SEMA4B: variants seen among roughly 807,000 people sequenced by gnomAD.
SEMA4B encodes semaphorin-4B.
A neutral mutation model predicts 88.1 loss-of-function variants in SEMA4B; 55 were observed. The ratio of observed to expected loss-of-function variants is 0.62; its 90% CI spans 0.50 to 0.78. The LOEUF is 0.78. Among genes scored for constraint, SEMA4B ranks in the 30% least tolerant of loss-of-function variants. SEMA4B has a pLI of 0.00. For missense variants in SEMA4B, 1,062 were observed against 1,111.9 expected, an observed-to-expected ratio of 0.96 and a Z score of 0.64; for synonymous variants, 525 against 473.6, an observed-to-expected ratio of 1.11 and a Z score of -1.41.
chr15:90,186,768 C>T (rs1960177496), intron 1 of SEMA4B, among the ~76,000 whole-genome samples: 1 of 152,044 alleles, frequency 6.6e-6, no homozygotes, highest in African/African-American at 2.4e-5. Flanking sequence ...CCCGTCTCTA[C>T]TAAAAATACA....
intron 12 of SEMA4B, 93 bp from the exon 13 acceptor site, chr15:90,227,464 G>A: frequency 9.0e-7 from 1 of 1,108,060 alleles, no homozygotes; most frequent in East Asian, 2.5e-5. Context: ...CTCAGGAAAG[G>A]CCCTTGCCCA....
In SEMA4B at chr15:90,225,299, A is replaced by G; in HGVS notation, c.1423A>G (p.Lys475Glu). 6.4e-7 allele frequency: 1 copy of G among 1,558,702 alleles called. No individual in the cohort carries two copies. The highest frequency in any genetic ancestry group is 8.7e-7 in the Non-Finnish European group (1 of 1,151,784). ...FLGTGDGRLH[K>E]AVSVGPRVHI... Reference sequence around the variant, plus strand: ...CACCCCAGGTGACGGCCGGCTCCACAAGGCAGTGAGCGTGGGCCCCCGGGT... The same window carrying G: ...CACCCCAGGTGACGGCCGGCTCCACGAGGCAGTGAGCGTGGGCCCCCGGGT... The change falls in exon 11 of 14, where the codon AAG (lysine) becomes GAG (glutamate). Residue 475 changes from lysine (K) to glutamate (E), a missense_variant. By Grantham distance (56) the Lys-to-Glu change is moderately conservative. Transcript: ENST00000411539.
chr15:90,201,362 G>A lies in SEMA4B; in HGVS notation c.-217G>A. On this transcript the variant is annotated 5_prime_UTR_variant, in exon 1 of 14. Coordinates refer to ENST00000411539, the MANE Select transcript of SEMA4B (RefSeq NM_198925.4). ...GGTGAGCTCTGCCCAAGCCGAGGCT[G>A]CGGGGCCGGCGCCGGCGGGAGGACT... The A allele has an allele frequency of 8.0e-7, 1 of 1,248,810 alleles. No homozygotes were observed. Among genetic ancestry groups the A allele is most frequent in the East Asian group, 3.4e-5 (1 of 29,758 alleles). 77.4% of individuals were successfully genotyped at this position (1,248,810 alleles called of 1,614,324 possible).
Position 90,217,072 on chromosome 15 carries a change from G to T in SEMA4B, c.158-367G>T, listed in dbSNP as rs1238817583. ...CATGCCTTTCTTGCCTGTTTTTCTGGAGCTTCTAATACATCATTTTTTTTC... is the reference window on the plus strand; with the variant it reads ...CATGCCTTTCTTGCCTGTTTTTCTGTAGCTTCTAATACATCATTTTTTTTC... On this transcript the variant is annotated intron_variant, in intron 1 of 13. Coordinates refer to ENST00000411539, the MANE Select transcript of SEMA4B (RefSeq NM_198925.4). 1.5e-4 allele frequency: 26 copies of T among 169,548 alleles called. No individual in the cohort carries two copies. In the Admixed American group the frequency reaches 1.6e-3, roughly 10 times the overall value. 10.5% of individuals were successfully genotyped at this position (169,548 alleles called of 1,614,324 possible).
At chr15:90,205,556 T>C (rs1960947670) in intron 1 of SEMA4B, among the ~76,000 whole-genome samples, 1 of 152,238 alleles carries the variant, frequency 6.6e-6, no homozygotes, top group African/African-American at 2.4e-5. Flanking sequence ...AAGAGAGGAA[T>C]AATGGCCATC....
At chr15:90,220,934 C>G (rs1301316170) in intron 4 of SEMA4B, 48 bp from the exon 5 acceptor site, 2 of 1,260,986 alleles carry the variant, frequency 1.6e-6, no homozygotes, top group Non-Finnish European at 1.1e-6. Flanking sequence ...CAAGCCTGCT[C>G]CTCATTCCCT....
chr15:90,209,932 G>T (rs1477707070), intron 1 of SEMA4B, among the ~76,000 whole-genome samples: 1 of 152,182 alleles, frequency 6.6e-6, no homozygotes, highest in Admixed American at 6.5e-5. Context: ...GGACGACGGG[G>T]TGCTATTGAA....
At chr15:90,225,444 C>T in intron 11 of SEMA4B, 47 bp downstream of exon 11, 6 of 1,507,254 alleles carry the variant, frequency 4.0e-6, no homozygotes, top group Non-Finnish European at 3.6e-6. Context: ...GGGGGGTGCC[C>T]TCCATTAGCA....
At chr15:90,220,798 G>A (rs966316530) in intron 4 of SEMA4B, among the ~76,000 whole-genome samples, 184 bp from the exon 5 acceptor site, 23 of 151,282 alleles carry the variant, frequency 1.5e-4, no homozygotes, top group Non-Finnish European at 3.2e-4. Context: ...GACTGTCCAG[G>A]TTCAAACCCT....
Position 90,224,962 on chromosome 15 carries a change from C to T in SEMA4B, c.1195-6C>T, listed in dbSNP as rs772466416. On this transcript the variant is annotated splice_polypyrimidine_tract_variant and splice_region_variant and intron_variant, in intron 9 of 13. Transcript: ENST00000411539. ...GCTGGCCTCACACTGCTGCTTTCTC[C>T]TCCAGTGCATCACCAACAGTGCCCG... 11 of 1,613,410 alleles carry T rather than the reference C, an allele frequency of 6.8e-6. No individual in the cohort carries two copies. The East Asian group carries it at 2.0e-4, about 29-fold the overall frequency.
At chr15:90,206,500 C>A in intron 1 of SEMA4B, 2 of 316,030 alleles carry the variant, frequency 6.3e-6, no homozygotes, top group South Asian at 7.0e-5. Context: ...CTGCTGCCAC[C>A]AAGTCATGCA....
At chr15:90,205,380 A>T (rs1960941254) in intron 1 of SEMA4B, among the ~76,000 whole-genome samples, 1 of 152,192 alleles carries the variant, frequency 6.6e-6, no homozygotes, top group African/African-American at 2.4e-5. Flanking sequence ...CTTTGTCCCC[A>T]GCTCTGTCCT....
At chr15:90,196,150 G>C (rs373723602) in intron 1 of SEMA4B, among the ~76,000 whole-genome samples, 4 of 142,108 alleles carry the variant, frequency 2.8e-5, no homozygotes, top group South Asian at 2.2e-4. Context: ...GGATGGTCTC[G>C]ATCTCCTGAC....
intron 3 of SEMA4B, chr15:90,219,469 A>T (rs1336452046): frequency 8.1e-6 from 2 of 248,164 alleles, no homozygotes; most frequent in East Asian, 1.9e-4. Flanking sequence ...CTTGGTTGGG[A>T]GGGGCCTGTG....
chr15:90,202,609 A>C (rs1960800663), intron 1 of SEMA4B, among the ~76,000 whole-genome samples: 1 of 152,242 alleles, frequency 6.6e-6, no homozygotes, highest in African/African-American at 2.4e-5. Context: ...TGGGCAAGTA[A>C]GTGCCTTCTG....
At position 90,225,270 on chromosome 15, in the gene SEMA4B, T is replaced by C. The variant is rs1192048104; in HGVS notation, c.1406-12T>C. ...GGCTCCACCCAGGGCCTGAGTCCTG[T>C]CCACACCCCAGGTGACGGCCGGCTC... On this transcript the variant is annotated splice_polypyrimidine_tract_variant and intron_variant, in intron 10 of 13. Transcript: ENST00000411539. 6.4e-7 allele frequency: 1 copy of C among 1,555,378 alleles called. No homozygotes were observed.
chr15:90,201,242 G>A (rs900694665), upstream of SEMA4B: 56 of 957,174 alleles, frequency 5.9e-5, no homozygotes, highest in Non-Finnish European at 6.9e-5. Flanking sequence ...CGCCCCTCGC[G>A]CTGCCAGCGC....
chr15:90,185,310 G>C (rs1482321051), intron 1 of SEMA4B, among the ~76,000 whole-genome samples: 1 of 152,226 alleles, frequency 6.6e-6, no homozygotes, highest in Non-Finnish European at 1.5e-5. Flanking sequence ...CATGGCCACC[G>C]GGGGCCTTTG....
chr15:90,202,517 A>G (rs1960796530), intron 1 of SEMA4B, among the ~76,000 whole-genome samples: 1 of 151,772 alleles, frequency 6.6e-6, no homozygotes, highest in African/African-American at 2.4e-5. Flanking sequence ...TTTCCCTTCC[A>G]TCCGGTTGCT....
Sources: allele counts gnomAD v4.1 joint callset (sites outside exome capture counted in the v4.1 genomes callset), GRCh38; gene constraint gnomAD v4.1.1; transcripts MANE v1.5; gene names NCBI Gene and HGNC (gene_info 2026-07-23, HGNC 2026-07-21).